Variants in TMCO4 observed in about 807,000 individuals in gnomAD.
TMCO4 encodes transmembrane and coiled-coil domain-containing protein 4.
Under a neutral mutation model 64.7 loss-of-function variants are expected in TMCO4, and 58 were observed. The ratio of observed to expected loss-of-function variants is 0.90; its 90% CI spans 0.73 to 1.12. The LOEUF is 1.12. Among genes scored for constraint, TMCO4 ranks in the 50% most tolerant of loss-of-function variants. The pLI, the probability that TMCO4 is intolerant of heterozygous loss-of-function variation, is 0.00. For synonymous variants in TMCO4, 325 were observed against 346.1 expected, an observed-to-expected ratio of 0.94 and a Z score of 0.68; for missense variants, 780 against 825.9, an observed-to-expected ratio of 0.94 and a Z score of 0.68.
At chr1:19,740,707 CTA>C (rs1234394753) in intron 11 of TMCO4, 68 bp downstream of exon 11, 3 of 1,527,956 alleles carry the variant, frequency 2.0e-6, no homozygotes, top group African/African-American at 1.4e-5. Flanking sequence ...GCATGCAAAA[CTA>C]TGGTACCACT....
At chr1:19,744,985 G>C (rs2041701736) in intron 10 of TMCO4, among the ~76,000 whole-genome samples, 1 of 152,088 alleles carries the variant, frequency 6.6e-6, no homozygotes, top group Non-Finnish European at 1.5e-5. Context: ...CATGGACAGA[G>C]AGGTGGATGG....
intron 13 of TMCO4, among the ~76,000 whole-genome samples, chr1:19,724,893 C>T (rs2095401913): frequency 6.6e-6 from 1 of 152,204 alleles, no homozygotes; most frequent in African/African-American, 2.4e-5. Context: ...TCCTGAGTAG[C>T]TGGGACTACA....
chr1:19,794,762 T>A (rs752180051), intron 2 of TMCO4, among the ~76,000 whole-genome samples: 2 of 152,206 alleles, frequency 1.3e-5, no homozygotes, highest in Non-Finnish European at 2.9e-5. Flanking sequence ...CATCTACAGA[T>A]GAATAGATCA....
intron 13 of TMCO4, among the ~76,000 whole-genome samples, chr1:19,716,476 T>G (rs1186791828): frequency 1.3e-5 from 2 of 151,104 alleles, no homozygotes; most frequent in Admixed American, 6.6e-5. Context: ...GTGATTTGCC[T>G]TCCTCGGCCT....
At chr1:19,781,439 G>A (rs907656180) in intron 3 of TMCO4, among the ~76,000 whole-genome samples, 34 of 151,182 alleles carry the variant, frequency 2.2e-4, no homozygotes, top group African/African-American at 8.3e-4. Flanking sequence ...TCCAGCGTGG[G>A]CTAGAGAATG....
intron 7 of TMCO4, among the ~76,000 whole-genome samples, chr1:19,750,748 G>A (rs1247364131): frequency 6.6e-6 from 1 of 152,146 alleles, no homozygotes; most frequent in Admixed American, 6.5e-5. Flanking sequence ...CTGGCCCCTG[G>A]CCATCAAGGA....
At position 19,682,558 on chromosome 1, in the gene TMCO4, C is replaced by T. The variant is rs1250633967; in HGVS notation, c.*482G>A. ...TGTACCTGCGCCTGCTCTGTTGCTGCCAGTTGATGGTGCCTGTCAGCTGGT... is the reference window on the plus strand; with the variant it reads ...TGTACCTGCGCCTGCTCTGTTGCTGTCAGTTGATGGTGCCTGTCAGCTGGT... On this transcript the variant is annotated 3_prime_UTR_variant, in exon 16 of 16. Coordinates refer to ENST00000294543, the MANE Select transcript of TMCO4 (RefSeq NM_181719.7). 1.4e-6 allele frequency: 1 copy of T among 713,670 alleles called. No individual in the cohort carries two copies. The highest frequency in any genetic ancestry group is 2.6e-6 in the Non-Finnish European group (1 of 382,808). 44.2% of individuals were successfully genotyped at this position (713,670 alleles called of 1,614,324 possible). A position where few individuals can be genotyped will look rare whatever the true frequency, so the allele number is the denominator to read the frequency against.
chr1:19,784,675 G>C (rs543893568), intron 3 of TMCO4, among the ~76,000 whole-genome samples: 1 of 152,124 alleles, frequency 6.6e-6, no homozygotes, highest in Admixed American at 6.6e-5. Flanking sequence ...CATGTCACTA[G>C]GTTGCTTAAA....
intron 7 of TMCO4, among the ~76,000 whole-genome samples, chr1:19,752,304 G>A (rs139898813): frequency 5.3e-5 from 8 of 152,274 alleles, no homozygotes; most frequent in East Asian, 3.9e-4. Context: ...AGATATGACA[G>A]CAACCCACAC....
Position 19,700,922 on chromosome 1 carries a change from T to C in TMCO4, c.1265-37A>G, listed in dbSNP as rs558504966. The C allele has an allele frequency of 4.5e-6, 7 of 1,571,938 alleles. No individual in the cohort carries two copies. In the African/African-American group the frequency reaches 8.1e-5, roughly 18 times the overall value. ...CCCCAGAAAAGGCCGTCAGTGTCCC[T>C]GGCCACATTGGGTGCTGGGAGGGAC... On this transcript the variant is annotated intron_variant, in intron 13 of 15. Transcript: ENST00000294543.
chr1:19,719,954 T>C (rs1404541500), intron 13 of TMCO4, among the ~76,000 whole-genome samples: 1 of 151,484 alleles, frequency 6.6e-6, no homozygotes, highest in African/African-American at 2.4e-5. Flanking sequence ...ATCACACCAC[T>C]GCACTCCAGC....
chr1:19,778,530 G>A (rs1400461916), intron 4 of TMCO4, among the ~76,000 whole-genome samples: 1 of 152,102 alleles, frequency 6.6e-6, no homozygotes, highest in East Asian at 1.9e-4. Context: ...TGCCAAAAGT[G>A]GTAGGATTAC....
chr1:19,721,010 T>C (rs2095380212), intron 13 of TMCO4, among the ~76,000 whole-genome samples: 1 of 152,210 alleles, frequency 6.6e-6, no homozygotes, highest in Non-Finnish European at 1.5e-5. Flanking sequence ...AATTAACATG[T>C]AAGTTAATGA....
intron 6 of TMCO4, among the ~76,000 whole-genome samples, chr1:19,765,639 T>C (rs2042702717): frequency 6.6e-6 from 1 of 152,176 alleles, no homozygotes; most frequent in East Asian, 1.9e-4. Context: ...TTAACTTTCA[T>C]CACGTAAAAG....
chr1:19,685,621 T>A (rs1473240870), intron 15 of TMCO4, among the ~76,000 whole-genome samples: 1 of 151,844 alleles, frequency 6.6e-6, no homozygotes, highest in Non-Finnish European at 1.5e-5. Context: ...TCACTGTAGA[T>A]GAAATTGAGC....
chr1:19,798,002 A>G (rs2044418098), intron 2 of TMCO4, 135 bp downstream of exon 2: 1 of 184,636 alleles, frequency 5.4e-6, no homozygotes, highest in Non-Finnish European at 1.1e-5. Context: ...AGAAAAGAAA[A>G]GAAAAGAAAA....
At position 19,683,280 on chromosome 1, in the gene TMCO4, G is replaced by A; in HGVS notation, c.1665C>T (p.Thr555=). ...QAAAAASSGE[T]PHQVGQTQGP... is the part of the protein sequence containing the mutation. ...CCTGGGTTTGCCCAACCTGGTGGGG[G>A]GTCTCGCCTGATGAGGCGGCAGCTG... Residue 555 remains threonine, a synonymous_variant, in exon 16 of 16, where the codon ACC becomes ACT. Coordinates refer to ENST00000294543, the MANE Select transcript of TMCO4 (RefSeq NM_181719.7). 2 of 1,614,166 alleles carry A rather than the reference G, an allele frequency of 1.2e-6. No individual in the cohort carries two copies. The highest frequency in any genetic ancestry group is 2.2e-5 in the South Asian group (2 of 91,086).
intron 13 of TMCO4, among the ~76,000 whole-genome samples, chr1:19,737,011 T>C (rs2095457829): frequency 6.6e-6 from 1 of 151,944 alleles, no homozygotes; most frequent in African/African-American, 2.4e-5. Flanking sequence ...CCACAAGAAG[T>C]TGGAAGAGAC....
chr1:19,689,903 G>A (rs958731406), intron 15 of TMCO4, among the ~76,000 whole-genome samples: 5 of 152,304 alleles, frequency 3.3e-5, no homozygotes, highest in East Asian at 1.9e-4. Flanking sequence ...CTAGGCAGAC[G>A]GGGTGGGTCC....
Sources: allele counts gnomAD v4.1 joint callset (sites outside exome capture counted in the v4.1 genomes callset), GRCh38; gene constraint gnomAD v4.1.1; transcripts MANE v1.5; gene names NCBI Gene and HGNC (gene_info 2026-07-23, HGNC 2026-07-21).